CATSPER1: variants seen among roughly 807,000 people sequenced by gnomAD.
The protein encoded by CATSPER1 is cation channel sperm-associated protein 1.
A neutral mutation model predicts 72.7 loss-of-function variants in CATSPER1; 57 were observed. The ratio of observed to expected loss-of-function variants is 0.78; its 90% CI spans 0.63 to 0.98. The LOEUF (loss-of-function observed/expected upper bound fraction) is 0.98, where lower values mean the gene tolerates loss of function less well. CATSPER1 is among the 50% of genes least tolerant of loss of function. The pLI, the probability that CATSPER1 is intolerant of heterozygous loss-of-function variation, is 0.00. For synonymous variants in CATSPER1, 363 were observed against 403.0 expected (o/e 0.90, Z 1.19); for missense variants, 910 against 1,033.9 (o/e 0.88, Z 1.64).
rs1856245130 is a variant in CATSPER1, at chr11:66,016,780, T to A, written c.*110A>T. The A allele has an allele frequency of 9.1e-6, 12 of 1,325,190 alleles. No individual in the cohort carries two copies. Among genetic ancestry groups the A allele is most frequent in the Non-Finnish European group, 1.3e-5 (12 of 959,474 alleles). 82.1% of individuals were successfully genotyped at this position (1,325,190 alleles called of 1,614,324 possible). A position where few individuals can be genotyped will look rare whatever the true frequency, so the allele number is the denominator to read the frequency against. On this transcript the variant is annotated 3_prime_UTR_variant, in exon 12 of 12. Transcript: ENST00000312106. ...GGTTTAAAAACTCTGTTGGGGCCCC[T>A]GCTCTGCAGGGCCCGGACAATCATT...
In CATSPER1 at chr11:66,017,078, A is replaced by C. The variant is rs751160595; in HGVS notation, c.2298T>G (p.Ile766Met). 3 of 1,613,940 alleles carry C rather than the reference A, an allele frequency of 1.9e-6. No individual in the cohort carries two copies. In the Admixed American group the frequency reaches 5.0e-5, roughly 27 times the overall value. Residue 766 changes from isoleucine (I) to methionine (M), a missense_variant, in exon 11 of 12, where the codon ATT becomes ATG. By Grantham distance (10) the Ile-to-Met change is conservative. Coordinates refer to ENST00000312106, the MANE Select transcript of CATSPER1 (RefSeq NM_053054.4). ...FRSQAAVIDEIVDTTFEAGEE... is the reference protein window; with the variant it reads ...FRSQAAVIDEMVDTTFEAGEE... ...GGTTCACCTCAAATGTGGTGTCCAC[A>C]ATCTCATCGATGACGGCTGCCTGGG... is the stretch of plus-strand genomic sequence containing the variant.
rs1257601387 is a variant in CATSPER1, at chr11:66,020,272, C to T, written c.2064+45G>A. 2 of 1,614,080 alleles carry T rather than the reference C, an allele frequency of 1.2e-6. No individual in the cohort carries two copies. Among genetic ancestry groups the T allele is most frequent in the Admixed American group, 1.7e-5 (1 of 60,028 alleles). On this transcript the variant is annotated intron_variant, in intron 8 of 11. Transcript: ENST00000312106. This position sits in a 1 kb window ranked among gnomAD's most constrained non-coding sequence, Gnocchi z 4.5. ...ACCCTGGAGGCCCCTGGCCTCACTC[C>T]TCCAGCTTCCTGATCTGGTCCACCT...
chr11:66,022,702 C>G, intron 2 of CATSPER1, 147 bp downstream of exon 2: 1 of 760,930 alleles, frequency 1.3e-6, no homozygotes, highest in South Asian at 1.6e-5. Context: ...GAGACGCTCT[C>G]TAATACTGGG....
chr11:66,018,665 C>A, intron 10 of CATSPER1, 162 bp downstream of exon 10: 1 of 722,130 alleles, frequency 1.4e-6, no homozygotes, highest in Non-Finnish European at 2.4e-6. Context: ...TGTGCAGAAG[C>A]CACCCAGGGT....
rs1417803001 is a variant in CATSPER1 at position 66,016,858 on chromosome 11, G to T, written c.*32C>A. 1 of 1,610,386 alleles carries T rather than the reference G, an allele frequency of 6.2e-7. No individual in the cohort carries two copies. Among genetic ancestry groups the T allele is most frequent in the South Asian group, 1.1e-5 (1 of 90,552 alleles). On this transcript the variant is annotated 3_prime_UTR_variant, in exon 12 of 12. Transcript: ENST00000312106. ...GCACCCAGGTGGGCAGACTGCCAGG[G>T]GCTGAAGTCTGTATCTGGTGTCCTC...
Position 66,026,001 on chromosome 11 carries a change from G to C in CATSPER1, c.379C>G (p.His127Asp). 6.2e-7 allele frequency: 1 copy of C among 1,614,048 alleles called. No individual in the cohort carries two copies. The highest frequency in any genetic ancestry group is 8.5e-7 in the Non-Finnish European group (1 of 1,179,994). The change falls in exon 1 of 12, where the codon CAT (histidine) becomes GAT (aspartate). Residue 127 changes from histidine to aspartate, a missense_variant. Coordinates refer to ENST00000312106, the MANE Select transcript of CATSPER1 (RefSeq NM_053054.4). The stretch of plus-strand genomic sequence containing the variant: ...AACCCACCGTATTGGGACCCATCAT[G>C]ATGCCTCCTGCCATCACGTTGGAGC... ...DELQRDGRRH[H>D]DGSQYGGFHQ...
chr11:66,023,150 C>T (rs1488698559), intron 1 of CATSPER1, 89 bp from the exon 2 acceptor site: 55 of 1,235,962 alleles, frequency 4.4e-5, no homozygotes, highest in Non-Finnish European at 9.5e-6. Flanking sequence ...CGTCCATGGT[C>T]ACTCCTGCCT....
Position 66,021,147 on chromosome 11 carries a change from C to T in CATSPER1, c.1730G>A (p.Gly577Asp), listed in dbSNP as rs1402908183. 1 of 1,613,424 alleles carries T rather than the reference C, an allele frequency of 6.2e-7. No homozygotes were observed. The highest frequency in any genetic ancestry group is 8.5e-7 in the Non-Finnish European group (1 of 1,179,800). Residue 577 changes from glycine to aspartate, a missense_variant, in exon 5 of 12, where the codon GGC becomes GAC. Coordinates refer to ENST00000312106, the MANE Select transcript of CATSPER1 (RefSeq NM_053054.4). Reference sequence around the variant, plus strand: ...GGCTGCGATGGACGGCAAGGACTGGCCCAGGGTCCCTGTCACTTCCTGGAC... The same window carrying T: ...GGCTGCGATGGACGGCAAGGACTGGTCCAGGGTCCCTGTCACTTCCTGGAC... ...TSVQEVTGTL[G>D]QSLPSIAAIL... is the part of the protein sequence containing the mutation.
In CATSPER1 at chr11:66,022,911, A is replaced by G. The variant is rs755268389; in HGVS notation, c.1367T>C (p.Val456Ala). Residue 456 changes from valine (V) to alanine (A), a missense_variant, in exon 2 of 12, where the codon GTT becomes GCT. Val to Ala is a moderately conservative substitution (Grantham distance 64). Coordinates refer to ENST00000312106, the MANE Select transcript of CATSPER1 (RefSeq NM_053054.4). ...CAGCATGACGGTGTTGAGGCAGACA[A>G]CGAAGAAGATGAAAGTTTCAAAGGC... Reference protein sequence around the residue: ...SLAFETFIFFVVCLNTVMLVA... With the variant: ...SLAFETFIFFAVCLNTVMLVA... 1.9e-6 allele frequency: 3 copies of G among 1,614,108 alleles called. No individual in the cohort carries two copies. The highest frequency in any genetic ancestry group is 2.5e-6 in the Non-Finnish European group (3 of 1,180,052).
chr11:66,025,350 A>C lies in CATSPER1; in HGVS notation c.1030T>G (p.Ser344Ala), dbSNP rs377753488. ...TGATAGGGGAAGACTCCTGTACGAG[A>C]AGCAGCAGGGCCGGGGGCATCGTGA... ...LIHDAPGPAA[S>A]RTGVFPYHVA... The change falls in exon 1 of 12, where the codon TCT becomes GCT. Residue 344 changes from serine to alanine, a missense_variant. Physicochemically the swap from Ser to Ala is moderately conservative, Grantham distance 99. Coordinates refer to ENST00000312106, the MANE Select transcript of CATSPER1 (RefSeq NM_053054.4). 2.5e-5 allele frequency: 40 copies of C among 1,614,056 alleles called. No individual in the cohort carries two copies. In the African/African-American group the frequency reaches 4.8e-4, roughly 19 times the overall value.
In CATSPER1 at chr11:66,017,194, T is replaced by TGGGGGGGCCC; in HGVS notation, c.2202-21_2202-20insGGGCCCCCCC. 1 of 550,280 alleles carries TGGGGGGGCCC rather than the reference T, an allele frequency of 1.8e-6. No individual in the cohort carries two copies. The highest frequency in any genetic ancestry group is 3.4e-6 in the Non-Finnish European group (1 of 295,852). 34.1% of individuals were successfully genotyped at this position (550,280 alleles called of 1,614,324 possible). On this transcript the variant is annotated intron_variant, in intron 10 of 11. Transcript: ENST00000312106. ...TGCTGCCTGCGGGTGGGCGGGGGGG[T>TGGGGGGGCCC]CGCAGAGACAGGGGCTGGGCTGACC... is the stretch of plus-strand genomic sequence containing the variant.
At chr11:66,022,128 T>C (rs888361942) in intron 2 of CATSPER1, among the ~76,000 whole-genome samples, 3 of 151,884 alleles carry the variant, frequency 2.0e-5, no homozygotes, top group East Asian at 1.9e-4. Context: ...TCACTGGAGG[T>C]CAGGAGTTCG....
chr11:66,025,572 C>T lies in CATSPER1; in HGVS notation c.808G>A (p.Gly270Ser). Residue 270 changes from glycine to serine, a missense_variant, in exon 1 of 12, where the codon GGT (glycine) becomes AGT (serine). Coordinates refer to ENST00000312106, the MANE Select transcript of CATSPER1 (RefSeq NM_053054.4). ...ISDYHSEYHQ[G>S]DHHPSEYHHG... is the part of the protein sequence containing the mutation. Reference sequence around the variant, plus strand: ...TGGTACTCACTGGGGTGGTGATCACCTTGGTGGTACTCGCTGTGATAGTCA... The same window carrying T: ...TGGTACTCACTGGGGTGGTGATCACTTTGGTGGTACTCGCTGTGATAGTCA... The T allele has an allele frequency of 1.9e-6, 3 of 1,604,264 alleles. No homozygotes were observed. The highest frequency in any genetic ancestry group is 2.6e-6 in the Non-Finnish European group (3 of 1,175,582).
rs1565071495 is a variant in CATSPER1, at chr11:66,021,519, T to C, written c.1668A>G (p.Ala556=). ...ACCTGAGCCTCCGCAGGACCCGGATTGCCCTCAGGGCCCGCAGGCTCTTGA... is the reference window on the plus strand; with the variant it reads ...ACCTGAGCCTCCGCAGGACCCGGATCGCCCTCAGGGCCCGCAGGCTCTTGA... ...KVFKSLRALR[A]IRVLRRLSFL... Residue 556 remains alanine, a synonymous_variant, in exon 4 of 12, where the codon GCA becomes GCG. Coordinates refer to ENST00000312106, the MANE Select transcript of CATSPER1 (RefSeq NM_053054.4). The C allele has an allele frequency of 1.9e-6, 3 of 1,613,748 alleles. No individual in the cohort carries two copies. The highest frequency in any genetic ancestry group is 2.5e-6 in the Non-Finnish European group (3 of 1,179,996).
intron 1 of CATSPER1, among the ~76,000 whole-genome samples, chr11:66,023,529 TCA>T (rs1856424996): frequency 1.3e-5 from 2 of 152,036 alleles, no homozygotes. Context: ...GCTCTATGTC[TCA>T]GTTTTGTTGT....
intron 4 of CATSPER1, 129 bp from the exon 5 acceptor site, chr11:66,021,314 C>G: frequency 8.3e-7 from 1 of 1,207,598 alleles, no homozygotes; most frequent in Non-Finnish European, 1.2e-6. Flanking sequence ...GAGTCCTGGC[C>G]CCTCTCTGGA....
rs369239823 is a variant in CATSPER1, at chr11:66,022,925, A to T, written c.1353T>A (p.Thr451=). ...RNLTQSLAFE[T]FIFFVVCLNT... is the part of the protein sequence containing the mutation. ...TGAGGCAGACAACGAAGAAGATGAA[A>T]GTTTCAAAGGCCAAGGATTGGGTCA... is the stretch of plus-strand genomic sequence containing the variant. Residue 451 remains threonine, a synonymous_variant, in exon 2 of 12, where the codon ACT becomes ACA. Transcript: ENST00000312106. 6.2e-7 allele frequency: 1 copy of T among 1,614,236 alleles called. No homozygotes were observed. Among genetic ancestry groups the T allele is most frequent in the African/African-American group, 1.3e-5 (1 of 75,058 alleles).
rs908082440 is a variant in CATSPER1 at position 66,020,474 on chromosome 11, T to C, written c.1992-85A>G. On this transcript the variant is annotated intron_variant, in intron 7 of 11. Coordinates refer to ENST00000312106, the MANE Select transcript of CATSPER1 (RefSeq NM_053054.4). This position sits in a 1 kb window ranked among gnomAD's most constrained non-coding sequence, Gnocchi z 4.5. ...TACTTCTTGTGGGTTCAGCGTGGCATGACCAGGGTGAGAGGGCTGGGGTAA... is the reference window on the plus strand; with the variant it reads ...TACTTCTTGTGGGTTCAGCGTGGCACGACCAGGGTGAGAGGGCTGGGGTAA... The C allele has an allele frequency of 6.9e-6, 11 of 1,600,702 alleles. No individual in the cohort carries two copies. The highest frequency in any genetic ancestry group is 1.7e-5 in the Admixed American group (1 of 59,930).
In CATSPER1 at chr11:66,026,111, G is replaced by A. The variant is rs1428187674; in HGVS notation, c.269C>T (p.Ala90Val). Residue 90 changes from alanine to valine, a missense_variant, in exon 1 of 12, where the codon GCC becomes GTC. By Grantham distance (64) the Ala-to-Val change is moderately conservative. Transcript: ENST00000312106. ...CAGACCAAAGCCTGTGGGGCCATGGGCTCTGCCGTGATTCCGTGCCTCGCT... is the reference window on the plus strand; with the variant it reads ...CAGACCAAAGCCTGTGGGGCCATGGACTCTGCCGTGATTCCGTGCCTCGCT... ...HHSEARNHGRAHGPTGFGLAP... is the reference protein window; with the variant it reads ...HHSEARNHGRVHGPTGFGLAP... 6.2e-7 allele frequency: 1 copy of A among 1,609,854 alleles called. No homozygotes were observed. Among genetic ancestry groups the A allele is most frequent in the Admixed American group, 1.7e-5 (1 of 59,922 alleles).
Sources: allele counts gnomAD v4.1 joint callset (sites outside exome capture counted in the v4.1 genomes callset), GRCh38; gene constraint gnomAD v4.1.1; non-coding constraint Gnocchi (gnomAD v3.1); transcripts MANE v1.5; gene names NCBI Gene and HGNC (gene_info 2026-07-23, HGNC 2026-07-21).